CREB5: variants seen among roughly 807,000 people sequenced by gnomAD.
CREB5 encodes cyclic AMP-responsive element-binding protein 5.
Under a neutral mutation model 57.1 loss-of-function variants are expected in CREB5, and 19 were observed. The observed-to-expected ratio is 0.33, with a 90% CI of 0.23 to 0.49. CREB5 has a LOEUF of 0.49. Ranked by LOEUF, CREB5 falls within the 20% of genes least tolerant of loss-of-function variation. The probability of loss-of-function intolerance (pLI) is 0.99; values close to 1 mark genes in which losing one functional copy is unlikely to be tolerated. For missense variants in CREB5, 579 were observed against 671.6 expected, an observed-to-expected ratio of 0.86 and a Z score of 1.52; for synonymous variants, 238 against 238.3, an observed-to-expected ratio of 1.00 and a Z score of 0.01.
At chr7:28,592,018 G>C (rs1218027183) in intron 5 of CREB5, among the ~76,000 whole-genome samples, 1 of 152,186 alleles carries the variant, frequency 6.6e-6, no homozygotes, top group Non-Finnish European at 1.5e-5. Context: ...AATTAGAGCT[G>C]AAGCAATTCT....
chr7:28,740,784 G>A (rs542045114), intron 7 of CREB5, among the ~76,000 whole-genome samples: 3 of 152,102 alleles, frequency 2.0e-5, no homozygotes, highest in East Asian at 3.9e-4. Context: ...AAATAAAAAG[G>A]TGATTAGAAA....
At chr7:28,499,197 C>T (rs1289598678) in intron 3 of CREB5, among the ~76,000 whole-genome samples, 2 of 130,684 alleles carry the variant, frequency 1.5e-5, no homozygotes, top group Non-Finnish European at 3.3e-5. Flanking sequence ...AAAAAAAAGA[C>T]CCAGAATCAG....
intron 5 of CREB5, among the ~76,000 whole-genome samples, chr7:28,700,263 C>T (rs1190900323): frequency 1.3e-5 from 2 of 152,128 alleles, no homozygotes; most frequent in South Asian, 2.1e-4. Flanking sequence ...CATGTTCCCA[C>T]GATGCAGGGC....
chr7:28,697,768 T>C (rs375027473), intron 5 of CREB5, among the ~76,000 whole-genome samples: 4 of 152,202 alleles, frequency 2.6e-5, no homozygotes, highest in Non-Finnish European at 5.9e-5. Context: ...CCTTAAGAGA[T>C]AGACTTCTTC....
intron 4 of CREB5, among the ~76,000 whole-genome samples, chr7:28,566,449 G>C (rs1227484355): frequency 6.6e-6 from 1 of 152,166 alleles, no homozygotes; most frequent in Non-Finnish European, 1.5e-5. Flanking sequence ...CACTAGTTTG[G>C]TGACATTGTT....
chr7:28,510,272 T>C (rs1167698811), intron 4 of CREB5, among the ~76,000 whole-genome samples: 1 of 152,224 alleles, frequency 6.6e-6, no homozygotes, highest in Non-Finnish European at 1.5e-5. Flanking sequence ...TATCTTATCA[T>C]TTTTTAGTAT....
chr7:28,526,926 C>T (rs1793474113), intron 4 of CREB5, among the ~76,000 whole-genome samples: 1 of 152,168 alleles, frequency 6.6e-6, no homozygotes, highest in Non-Finnish European at 1.5e-5. Context: ...CTAATTCATC[C>T]ATCTTTTATT....
At chr7:28,442,497 G>GT (rs34311992) in intron 1 of CREB5, among the ~76,000 whole-genome samples, 57,965 of 151,664 alleles carry the variant, frequency 0.38, 11,569 homozygotes, top group Middle Eastern at 0.43. Context: ...TTATATGGTA[G>GT]TTTTTTTTGT....
rs985421441 is a variant in CREB5 at position 28,510,381 on chromosome 7, C to T, written c.291+2644C>T. ...ATTTCTTTTCCTCTGAGTCTTTAGACTTGCATTGGTTCCCTCATTAGGTTT... is the reference window on the plus strand; with the variant it reads ...ATTTCTTTTCCTCTGAGTCTTTAGATTTGCATTGGTTCCCTCATTAGGTTT... On this transcript the variant is annotated intron_variant, in intron 4 of 10. Coordinates refer to ENST00000357727, the MANE Select transcript of CREB5 (RefSeq NM_182898.4). 3.3e-5 allele frequency among the ~76,000 whole-genome samples: 5 copies of T among 152,152 alleles called. No individual in the cohort carries two copies. The East Asian group carries it at 9.6e-4, about 29-fold the overall frequency.
intron 1 of CREB5, among the ~76,000 whole-genome samples, chr7:28,329,598 G>A (rs1785676422): frequency 6.6e-6 from 1 of 152,156 alleles, no homozygotes; most frequent in African/African-American, 2.4e-5. Flanking sequence ...TCGAATTGCT[G>A]GAATATGGTG....
intron 5 of CREB5, among the ~76,000 whole-genome samples, chr7:28,591,242 T>C (rs1796502809): frequency 6.6e-6 from 1 of 152,210 alleles, no homozygotes; most frequent in African/African-American, 2.4e-5. Flanking sequence ...CCTTTGTAGC[T>C]TGAAGTCACA....
intron 7 of CREB5, among the ~76,000 whole-genome samples, chr7:28,800,409 G>T (rs1198768552): frequency 1.3e-5 from 2 of 152,212 alleles, no homozygotes; most frequent in Admixed American, 1.3e-4. Context: ...GGGCTGACGG[G>T]AAGGCAGGCC....
At chr7:28,590,645 T>G (rs1333224343) in intron 5 of CREB5, among the ~76,000 whole-genome samples, 1 of 150,208 alleles carries the variant, frequency 6.7e-6, no homozygotes, top group African/African-American at 2.5e-5. Context: ...ACCTGCACGT[T>G]GTGCGCATGT....
chr7:28,487,808 G>A (rs1036136625), intron 1 of CREB5, among the ~76,000 whole-genome samples: 2 of 152,204 alleles, frequency 1.3e-5, no homozygotes, highest in African/African-American at 4.8e-5. Context: ...CAGCAGGACT[G>A]GACAAGGGTT....
intron 5 of CREB5, among the ~76,000 whole-genome samples, chr7:28,580,357 A>G (rs1338265763): frequency 6.7e-6 from 1 of 149,382 alleles, no homozygotes; most frequent in Non-Finnish European, 1.5e-5. Flanking sequence ...ACTAAAAGGA[A>G]AATGAGGGGT....
chr7:28,741,749 T>C (rs895164384), intron 7 of CREB5, among the ~76,000 whole-genome samples: 2 of 152,134 alleles, frequency 1.3e-5, no homozygotes, highest in African/African-American at 2.4e-5. Flanking sequence ...AGCCAAGATA[T>C]ATCCATTTCA....
At chr7:28,378,962 C>T (rs889777872) in intron 1 of CREB5, among the ~76,000 whole-genome samples, 1 of 152,176 alleles carries the variant, frequency 6.6e-6, no homozygotes, top group African/African-American at 2.4e-5. Context: ...TGGTGAAAGA[C>T]TTATTTGAGG....
intron 5 of CREB5, among the ~76,000 whole-genome samples, chr7:28,640,237 C>T (rs953644189): frequency 1.3e-5 from 2 of 152,134 alleles, no homozygotes; most frequent in African/African-American, 2.4e-5. Context: ...ATAAAAATGT[C>T]GTGATGGAGC....
In CREB5 at chr7:28,570,402, C is replaced by A. The variant is rs114327290; in HGVS notation, c.329C>A (p.Thr110Lys). The change falls in exon 5 of 11, where the codon ACG (threonine) becomes AAG (lysine). Residue 110 changes from threonine to lysine, a missense_variant. Physicochemically the swap from Thr to Lys is moderately conservative, Grantham distance 78. Coordinates refer to ENST00000357727, the MANE Select transcript of CREB5 (RefSeq NM_182898.4). ...CATAATGCAGTTGGTGGGGCCATGA[C>A]GGGGCCCGGAACTCACCAGCTTAGC... The part of the protein sequence containing the change: ...SMHNAVGGAM[T>K]GPGTHQLSSA... 1.9e-6 allele frequency: 3 copies of A among 1,614,030 alleles called. No homozygotes were observed. The highest frequency in any genetic ancestry group is 2.2e-5 in the East Asian group (1 of 44,888).
Sources: gnomAD v4.1 joint callset for allele counts (sites outside exome capture counted in the v4.1 genomes callset) on GRCh38, gnomAD v4.1.1 for gene constraint, MANE v1.5 for transcripts, NCBI Gene and HGNC (gene_info 2026-07-23, HGNC 2026-07-21) for gene names.